The following KLHL20 variants were observed in gnomAD, a reference collection of about 807,000 sequenced individuals.
The protein encoded by KLHL20 is kelch-like protein 20.
KLHL20 carries 29 observed loss-of-function variants against 69.5 expected under a neutral mutation model. That is an observed-to-expected ratio of 0.42 (90% CI 0.31 to 0.57). KLHL20 has a LOEUF of 0.57. Ranked by LOEUF, KLHL20 falls within the 20% of genes least tolerant of loss-of-function variation. The pLI, the probability that KLHL20 is intolerant of heterozygous loss-of-function variation, is 0.18. For synonymous variants in KLHL20, 253 were observed against 265.2 expected, an observed-to-expected ratio of 0.95 and a Z score of 0.45; for missense variants, 419 against 776.0, an observed-to-expected ratio of 0.54 and a Z score of 5.47.
intron 3 of KLHL20, among the ~76,000 whole-genome samples, chr1:173,745,170 CTT>C (rs796578983): frequency 3.5e-4 from 41 of 115,512 alleles, no homozygotes; most frequent in African/African-American, 1.2e-3. Context: ...TTTCTTTTTT[CTT>C]TTTTTTTTTT....
chr1:173,738,483 A>T (rs557099441), intron 3 of KLHL20, among the ~76,000 whole-genome samples: 5 of 152,072 alleles, frequency 3.3e-5, no homozygotes, highest in African/African-American at 1.2e-4. Context: ...GATGCCCTTT[A>T]TTTCTTTCTC....
At chr1:173,757,712 C>G (rs1673611891) in intron 7 of KLHL20, among the ~76,000 whole-genome samples, 5 of 150,948 alleles carry the variant, frequency 3.3e-5, no homozygotes, top group Admixed American at 3.3e-4. Flanking sequence ...CTTCAAGACA[C>G]AAATGTTACT....
chr1:173,743,983 G>A (rs1033926596), intron 3 of KLHL20, among the ~76,000 whole-genome samples: 2 of 152,062 alleles, frequency 1.3e-5, no homozygotes, highest in African/African-American at 2.4e-5. Flanking sequence ...CATCTTATAT[G>A]AACATGTCAA....
rs769210676 is a variant in KLHL20 at position 173,752,419 on chromosome 1, C to T, written c.756+497C>T. 5.3e-5 allele frequency among the ~76,000 whole-genome samples: 8 copies of T among 152,236 alleles called. No individual in the cohort carries two copies. In the South Asian group the frequency reaches 1.2e-3, roughly 24 times the overall value. On this transcript the variant is annotated intron_variant, in intron 4 of 11. Transcript: ENST00000209884. ...GGGCTTTTTGCTCCTTTGCTTTCCC[C>T]GTATTTTGGATCAATTCTACTTTTG...
chr1:173,734,986 C>T (rs1014168117), intron 3 of KLHL20, among the ~76,000 whole-genome samples: 1 of 152,096 alleles, frequency 6.6e-6, no homozygotes, highest in African/African-American at 2.4e-5. Flanking sequence ...AACTTTGGTG[C>T]TGGAACAACT....
chr1:173,733,446 C>A (rs1231622572), intron 2 of KLHL20, among the ~76,000 whole-genome samples: 2 of 152,052 alleles, frequency 1.3e-5, no homozygotes, highest in Admixed American at 6.6e-5. Flanking sequence ...TATAGTAGCT[C>A]AATTTAAATG....
intron 3 of KLHL20, among the ~76,000 whole-genome samples, chr1:173,735,725 A>G (rs1415378538): frequency 2.6e-5 from 4 of 151,970 alleles, no homozygotes; most frequent in Non-Finnish European, 5.9e-5. Flanking sequence ...ACCGTACCCA[A>G]TGTGTAGTCT....
intron 2 of KLHL20, among the ~76,000 whole-genome samples, chr1:173,717,512 C>T (rs1291678814): frequency 1.3e-5 from 2 of 152,216 alleles, no homozygotes; most frequent in Non-Finnish European, 2.9e-5. Context: ...GGTCACACTT[C>T]CCTATCCTTT....
intron 7 of KLHL20, among the ~76,000 whole-genome samples, chr1:173,759,581 A>G (rs556432959): frequency 7.2e-5 from 11 of 152,294 alleles, no homozygotes; most frequent in Admixed American, 7.2e-4. Context: ...ACCAGCCCAG[A>G]GCTGAGTAGA....
chr1:173,742,981 A>G (rs10912678), intron 3 of KLHL20, among the ~76,000 whole-genome samples: 13,672 of 151,710 alleles, frequency 0.09, 1,998 homozygotes, highest in African/African-American at 0.31. Context: ...TAAAAAATCA[A>G]TGTCAAACTC....
chr1:173,742,037 G>A (rs1305240737), intron 3 of KLHL20: 1 of 445,694 alleles, frequency 2.2e-6, no homozygotes, highest in Non-Finnish European at 3.9e-6. Context: ...TATGTCAAGA[G>A]CTTCTGTTGG....
intron 3 of KLHL20, chr1:173,741,610 A>T: frequency 2.2e-6 from 1 of 447,920 alleles, no homozygotes; most frequent in Non-Finnish European, 3.8e-6. Context: ...CAAAAGTCAA[A>T]GCCAAGCTGG....
intron 2 of KLHL20, among the ~76,000 whole-genome samples, chr1:173,730,002 A>C (rs1672180516): frequency 6.6e-6 from 1 of 152,228 alleles, no homozygotes; most frequent in Non-Finnish European, 1.5e-5. Flanking sequence ...CCTTAAGCTG[A>C]TAAGCAACTT....
Position 173,727,534 on chromosome 1 carries a change from A to G in KLHL20, c.24-6179A>G, listed in dbSNP as rs957667797. On this transcript the variant is annotated intron_variant, in intron 2 of 11. Coordinates refer to ENST00000209884, the MANE Select transcript of KLHL20 (RefSeq NM_014458.4). Reference sequence around the variant, plus strand: ...GGTAACCCACAAAGGGAAGCCCATCAGACTAACAGCTGATCTCTCGGCAGA... The same window carrying G: ...GGTAACCCACAAAGGGAAGCCCATCGGACTAACAGCTGATCTCTCGGCAGA... 1.6e-4 allele frequency among the ~76,000 whole-genome samples: 25 copies of G among 152,254 alleles called. 1 individual carries two copies. Among genetic ancestry groups the G allele is most frequent in the Admixed American group, 1.2e-3 (19 of 15,280 alleles).
intron 2 of KLHL20, among the ~76,000 whole-genome samples, chr1:173,732,941 G>A (rs1038129834): frequency 1.1e-4 from 16 of 151,484 alleles, no homozygotes; most frequent in African/African-American, 3.9e-4. Flanking sequence ...TCATCATTTA[G>A]CTTGCCATTT....
At chr1:173,741,880 G>A in intron 3 of KLHL20, 1 of 1,562,842 alleles carries the variant, frequency 6.4e-7, no homozygotes, top group Non-Finnish European at 8.7e-7. Context: ...CCTACAGGAG[G>A]AAAAGCAAGG....
Position 173,753,195 on chromosome 1 carries a change from G to T in KLHL20, c.757-18G>T, listed in dbSNP as rs1357452562. ...TCAAAATTAATTAATTAAAATAATG[G>T]TGTTTATTTTCTCATAGGTGCTGCA... On this transcript the variant is annotated intron_variant, in intron 4 of 11. Transcript: ENST00000209884. The T allele has an allele frequency of 3.8e-6, 6 of 1,580,466 alleles. No homozygotes were observed. The highest frequency in any genetic ancestry group is 5.2e-6 in the Non-Finnish European group (6 of 1,150,210).
intron 1 of KLHL20, chr1:173,715,492 C>T (rs1571836784): frequency 6.6e-6 from 1 of 152,568 alleles, no homozygotes; most frequent in East Asian, 1.9e-4. Context: ...GAGTGTTAGT[C>T]TGGAGCCATA....
chr1:173,784,394 T>C (rs1288368586), intron 11 of KLHL20, among the ~76,000 whole-genome samples: 2 of 152,222 alleles, frequency 1.3e-5, no homozygotes, highest in African/African-American at 4.8e-5. Flanking sequence ...TAAGCATAAT[T>C]TCTGAAGACA....
Sources: allele counts gnomAD v4.1 joint callset (sites outside exome capture counted in the v4.1 genomes callset), GRCh38; gene constraint gnomAD v4.1.1; transcripts MANE v1.5; gene names NCBI Gene and HGNC (gene_info 2026-07-23, HGNC 2026-07-21).